Variants in BABAM2 observed in about 807,000 individuals in gnomAD.
BABAM2 encodes BRISC and BRCA1-A complex member 2.
In BABAM2, 31 loss-of-function variants were observed where a neutral mutation model predicts 54.7. That is an observed-to-expected ratio of 0.57 (90% CI 0.43 to 0.77). The LOEUF is 0.77. Among genes scored for constraint, BABAM2 ranks in the 30% least tolerant of loss-of-function variants. The pLI is 0.00. For synonymous variants in BABAM2, 167 were observed against 162.9 expected (o/e 1.03, Z -0.19); for missense variants, 364 against 455.8 (o/e 0.80, Z 1.83).
intron 3 of BABAM2, among the ~76,000 whole-genome samples, chr2:27,987,461 C>T (rs913697802): frequency 6.6e-6 from 1 of 152,106 alleles, no homozygotes; most frequent in Non-Finnish European, 1.5e-5. Context: ...TGGATATTTA[C>T]ATTCACAGTG....
intron 11 of BABAM2, among the ~76,000 whole-genome samples, chr2:28,303,863 G>A (rs1287095465): frequency 6.6e-6 from 1 of 152,076 alleles, no homozygotes; most frequent in Non-Finnish European, 1.5e-5. Context: ...TAGAAATCTT[G>A]AAATATTTTT....
intron 10 of BABAM2, among the ~76,000 whole-genome samples, chr2:28,270,278 C>T (rs1191749191): frequency 6.6e-6 from 1 of 152,116 alleles, no homozygotes; most frequent in Admixed American, 6.6e-5. Context: ...CGTCCCAGCA[C>T]ACCTAGCTGA....
chr2:28,310,105 A>C, intron 11 of BABAM2: 1 of 1,614,160 alleles, frequency 6.2e-7, no homozygotes, highest in Non-Finnish European at 8.5e-7. Flanking sequence ...AGAGATGGGG[A>C]GGAATCCAGC....
intron 7 of BABAM2, among the ~76,000 whole-genome samples, chr2:28,153,066 TAGTG>T (rs1346620185): frequency 6.6e-6 from 1 of 152,214 alleles, no homozygotes; most frequent in Non-Finnish European, 1.5e-5. Context: ...GTGTTATTCT[TAGTG>T]AGTAACACTT....
intron 10 of BABAM2, among the ~76,000 whole-genome samples, chr2:28,287,318 G>A (rs567188821): frequency 6.6e-6 from 1 of 152,208 alleles, no homozygotes; most frequent in East Asian, 1.9e-4. Flanking sequence ...CCCAGGCCAG[G>A]AGTTTATTTA....
intron 10 of BABAM2, among the ~76,000 whole-genome samples, chr2:28,293,605 C>T (rs1687462123): frequency 6.6e-6 from 1 of 152,212 alleles, no homozygotes; most frequent in Non-Finnish European, 1.5e-5. Flanking sequence ...TTAATTCTTC[C>T]TCCCTTCCCC....
intron 2 of BABAM2, among the ~76,000 whole-genome samples, chr2:27,918,090 T>G (rs575188194): frequency 1.3e-5 from 2 of 152,212 alleles, no homozygotes; most frequent in African/African-American, 4.8e-5. Context: ...AAGTTTTTCT[T>G]ACTGTGGTAA....
At chr2:28,178,031 C>T (rs1036177746) in intron 7 of BABAM2, among the ~76,000 whole-genome samples, 1 of 152,108 alleles carries the variant, frequency 6.6e-6, no homozygotes, top group African/African-American at 2.4e-5. Context: ...GAGAGATAGA[C>T]TCCAATACAA....
intron 7 of BABAM2, among the ~76,000 whole-genome samples, chr2:28,146,197 A>G (rs1376537841): frequency 2.0e-5 from 3 of 152,210 alleles, no homozygotes. Flanking sequence ...TTTATTAGAT[A>G]CATAATTTGC....
In BABAM2 at chr2:27,943,600, C is replaced by T. The variant is rs74479768; in HGVS notation, c.205+13692C>T. ...CCTAGACCAGTTCTCTTCTAGTCTG[C>T]AAGAATGCTTGCAAGGAGAGTAGGA... On this transcript the variant is annotated intron_variant, in intron 3 of 11. Transcript: ENST00000379624. Among the ~76,000 whole-genome samples the T allele has an allele frequency of 3.0e-4, 45 of 152,302 alleles. 1 individual carries two copies. The East Asian group carries it at 6.9e-3, about 24-fold the overall frequency.
intron 6 of BABAM2, among the ~76,000 whole-genome samples, chr2:28,082,251 G>A (rs1665240460): frequency 6.6e-6 from 1 of 152,234 alleles, no homozygotes; most frequent in Admixed American, 6.5e-5. Context: ...AGGCACTACA[G>A]TGCGTTCTCA....
intron 11 of BABAM2, among the ~76,000 whole-genome samples, chr2:28,306,995 CTTTTTTTTTTTTTTTTT>C (rs143177903): frequency 3.8e-5 from 1 of 26,358 alleles, no homozygotes; most frequent in African/African-American, 1.4e-4. Context: ...CACACCTGGC[CTTTTTTTTTTTTTTTTT>C]TTTTTTTTTT....
At chr2:28,242,824 C>T (rs1682568759) in intron 9 of BABAM2, among the ~76,000 whole-genome samples, 1 of 152,156 alleles carries the variant, frequency 6.6e-6, no homozygotes, top group Admixed American at 6.5e-5. Flanking sequence ...GTATGACTGC[C>T]TCTCACATGA....
At chr2:28,258,237 A>G (rs1185945043) in intron 10 of BABAM2, among the ~76,000 whole-genome samples, 1 of 152,200 alleles carries the variant, frequency 6.6e-6, no homozygotes, top group East Asian at 1.9e-4. Flanking sequence ...TCTTGAACGT[A>G]ATTCAAGTGC....
At chr2:28,179,975 G>A (rs1675441695) in intron 7 of BABAM2, among the ~76,000 whole-genome samples, 1 of 151,860 alleles carries the variant, frequency 6.6e-6, no homozygotes, top group Admixed American at 6.6e-5. Flanking sequence ...AAGGATACAA[G>A]CAAATTGAAA....
At chr2:28,284,249 G>C (rs981552911) in intron 10 of BABAM2, among the ~76,000 whole-genome samples, 3 of 152,218 alleles carry the variant, frequency 2.0e-5, no homozygotes, top group African/African-American at 7.2e-5. Context: ...TTCCCCTGCT[G>C]CCTGTCCCAC....
At chr2:27,971,057 T>G (rs1481785796) in intron 3 of BABAM2, among the ~76,000 whole-genome samples, 2 of 152,146 alleles carry the variant, frequency 1.3e-5, no homozygotes, top group Non-Finnish European at 2.9e-5. Flanking sequence ...CTTGACCACT[T>G]GTTTAAATTA....
Position 28,224,549 on chromosome 2 carries a change from T to G in BABAM2, c.681-12653T>G, listed in dbSNP as rs114648453. 5.7e-3 allele frequency among the ~76,000 whole-genome samples: 874 copies of G among 152,272 alleles called. 8 individuals are homozygous for G. The highest frequency in any genetic ancestry group is 0.02 in the African/African-American group (826 of 41,544). On this transcript the variant is annotated intron_variant, in intron 7 of 11. Coordinates refer to ENST00000379624, the MANE Select transcript of BABAM2 (RefSeq NM_199191.3). The stretch of plus-strand genomic sequence containing the variant: ...TGCTTCGTACTTCAGTTTGCGGTAC[T>G]TGAGCTTTAGAAGCGTGCCTGAATG...
intron 7 of BABAM2, among the ~76,000 whole-genome samples, chr2:28,220,820 G>A (rs62139111): frequency 0.24 from 36,712 of 152,006 alleles, 5,641 homozygotes; most frequent in Non-Finnish European, 0.35. Context: ...TACTTAGGAC[G>A]CTGAGGTAGG....
Sources: allele counts gnomAD v4.1 joint callset (sites outside exome capture counted in the v4.1 genomes callset), GRCh38; gene constraint gnomAD v4.1.1; transcripts MANE v1.5; gene names NCBI Gene and HGNC (gene_info 2026-07-23, HGNC 2026-07-21).